ANKIB1: variants seen among roughly 807,000 people sequenced by gnomAD.
ANKIB1 encodes the protein ankyrin repeat and IBR domain containing 1.
In ANKIB1, 43 loss-of-function variants were observed where a neutral mutation model predicts 122.1. The observed-to-expected ratio is 0.35, with a 90% CI of 0.28 to 0.45. The LOEUF is 0.45. Among genes scored for constraint, ANKIB1 ranks in the 20% least tolerant of loss-of-function variants. ANKIB1 has a pLI of 1.00. For missense variants in ANKIB1, 992 were observed against 1,329.5 expected (o/e 0.75, Z 3.95); for synonymous variants, 390 against 442.0 (o/e 0.88, Z 1.48).
chr7:92,293,739 G>C (rs1439511145), intron 1 of ANKIB1, among the ~76,000 whole-genome samples: 1 of 152,020 alleles, frequency 6.6e-6, no homozygotes, highest in Non-Finnish European at 1.5e-5. Context: ...TTTATCTCTT[G>C]TTAATCTAAT....
intron 4 of ANKIB1, among the ~76,000 whole-genome samples, chr7:92,323,408 A>G (rs930346770): frequency 2.6e-5 from 4 of 152,136 alleles, no homozygotes; most frequent in Admixed American, 2.0e-4. Flanking sequence ...ATGCTTTCTA[A>G]GAGAACTTTG....
intron 4 of ANKIB1, among the ~76,000 whole-genome samples, chr7:92,325,470 T>C (rs905366236): frequency 6.6e-6 from 1 of 152,154 alleles, no homozygotes; most frequent in African/African-American, 2.4e-5. Context: ...CTAAAAACTT[T>C]CCTGGCTATT....
chr7:92,399,144 T>A lies in ANKIB1; in HGVS notation c.*195T>A, dbSNP rs1804963214. The A allele has an allele frequency of 2.1e-6, 1 of 485,510 alleles. No homozygotes were observed. Among genetic ancestry groups the A allele is most frequent in the Non-Finnish European group, 3.3e-6 (1 of 302,234 alleles). The allele number at this position is 485,510 out of a possible 1,614,324, so 30.1% of individuals were successfully genotyped here. ...CCTTACAGGGAATTTCCTTTGTACT[T>A]AATTGAATAGCTTTTCCCCTTTTTG... On this transcript the variant is annotated 3_prime_UTR_variant, in exon 20 of 20. Transcript: ENST00000265742.
chr7:92,296,750 A>G (rs1428066127), intron 2 of ANKIB1, among the ~76,000 whole-genome samples: 1 of 152,158 alleles, frequency 6.6e-6, no homozygotes, highest in East Asian at 1.9e-4. Context: ...TTTTACACAG[A>G]GTAAATAGAA....
chr7:92,328,270 A>G (rs1803069958), intron 5 of ANKIB1, among the ~76,000 whole-genome samples: 1 of 151,586 alleles, frequency 6.6e-6, no homozygotes, highest in African/African-American at 2.4e-5. Flanking sequence ...GTATAAAATT[A>G]TGGTAGTTCA....
chr7:92,338,603 A>G (rs965930049), intron 5 of ANKIB1, among the ~76,000 whole-genome samples: 1 of 152,058 alleles, frequency 6.6e-6, no homozygotes, highest in Non-Finnish European at 1.5e-5. Flanking sequence ...TTTTTATAAT[A>G]GCTTTTTAAA....
At chr7:92,396,221 A>G in intron 17 of ANKIB1, 144 bp from the exon 18 acceptor site, 1 of 631,578 alleles carries the variant, frequency 1.6e-6, no homozygotes, top group Non-Finnish European at 2.8e-6. Context: ...TGGCATGGCA[A>G]AACCTGATGT....
chr7:92,365,839 C>T (rs1429470994), intron 10 of ANKIB1, among the ~76,000 whole-genome samples: 9 of 139,600 alleles, frequency 6.4e-5, no homozygotes, highest in South Asian at 2.3e-4. Context: ...CTCTGTCGCC[C>T]GGGCTGGAGT....
chr7:92,267,815 G>A (rs1241721366), intron 1 of ANKIB1, among the ~76,000 whole-genome samples: 1 of 152,138 alleles, frequency 6.6e-6, no homozygotes, highest in Non-Finnish European at 1.5e-5. Flanking sequence ...TTTGCATATT[G>A]ATAGGTGATC....
chr7:92,262,057 G>A (rs992933041), intron 1 of ANKIB1, among the ~76,000 whole-genome samples: 8 of 152,100 alleles, frequency 5.3e-5, no homozygotes, highest in Non-Finnish European at 1.2e-4. Context: ...AAGTGAATTC[G>A]AAGACATTAA....
At chr7:92,336,807 C>T (rs998252840) in intron 5 of ANKIB1, among the ~76,000 whole-genome samples, 1 of 152,104 alleles carries the variant, frequency 6.6e-6, no homozygotes, top group African/African-American at 2.4e-5. Flanking sequence ...TTTTGTCAGA[C>T]ATTAACTCCC....
At chr7:92,367,176 A>G (rs926043852) in intron 10 of ANKIB1, among the ~76,000 whole-genome samples, 1 of 152,242 alleles carries the variant, frequency 6.6e-6, no homozygotes, top group African/African-American at 2.4e-5. Context: ...GATAGGAGAC[A>G]AAAGGCTGAA....
intron 2 of ANKIB1, among the ~76,000 whole-genome samples, chr7:92,306,284 C>G (rs542308935): frequency 6.3e-4 from 96 of 152,012 alleles, no homozygotes; most frequent in Non-Finnish European, 1.2e-3. Context: ...TTTGGAGGCT[C>G]CAGGGTAGAA....
intron 9 of ANKIB1, among the ~76,000 whole-genome samples, chr7:92,358,690 C>T (rs1384538297): frequency 6.6e-6 from 1 of 151,434 alleles, no homozygotes; most frequent in Non-Finnish European, 1.5e-5. Context: ...ATTGAATATG[C>T]TGTTTAATCT....
At chr7:92,314,472 C>T (rs544641132) in intron 3 of ANKIB1, among the ~76,000 whole-genome samples, 34 of 152,300 alleles carry the variant, frequency 2.2e-4, no homozygotes, top group Non-Finnish European at 4.0e-4. Flanking sequence ...GCATTGACAT[C>T]AGTCACCTGA....
intron 6 of ANKIB1, among the ~76,000 whole-genome samples, chr7:92,344,211 T>G (rs1445758232): frequency 1.0e-4 from 10 of 96,482 alleles, no homozygotes; most frequent in Non-Finnish European, 2.1e-4. Flanking sequence ...TTTTTTTTTT[T>G]TTTTTTTTTT....
chr7:92,275,335 G>A (rs773384678), intron 1 of ANKIB1, among the ~76,000 whole-genome samples: 25 of 152,248 alleles, frequency 1.6e-4, no homozygotes, highest in Admixed American at 5.2e-4. Flanking sequence ...ACTGATGTAA[G>A]TCTACTTTGA....
At chr7:92,331,786 A>C (rs567005961) in intron 5 of ANKIB1, among the ~76,000 whole-genome samples, 1 of 152,272 alleles carries the variant, frequency 6.6e-6, no homozygotes, top group East Asian at 1.9e-4. Context: ...GGCCATACCT[A>C]ACTGCAAACA....
At chr7:92,269,625 TTATTC>T (rs1172535434) in intron 1 of ANKIB1, among the ~76,000 whole-genome samples, 1 of 152,200 alleles carries the variant, frequency 6.6e-6, no homozygotes, top group Admixed American at 6.5e-5. Context: ...TATTCTGACT[TTATTC>T]TATGTAAGCC....
Sources: gnomAD v4.1 joint callset for allele counts (sites outside exome capture counted in the v4.1 genomes callset) on GRCh38, gnomAD v4.1.1 for gene constraint, MANE v1.5 for transcripts, NCBI Gene and HGNC (gene_info 2026-07-23, HGNC 2026-07-21) for gene names.